Variants in LARGE1 observed in about 807,000 individuals in gnomAD.
LARGE1 encodes the protein LARGE xylosyl- and glucuronyltransferase 1.
LARGE1 carries 43 observed loss-of-function variants against 87.6 expected under a neutral mutation model. The observed-to-expected ratio is 0.49, with a 90% confidence interval of 0.38 to 0.63. The LOEUF is 0.63. Among genes scored for constraint, LARGE1 ranks in the 30% least tolerant of loss-of-function variants. The pLI, the probability that LARGE1 is intolerant of heterozygous loss-of-function variation, is 0.00. For synonymous variants in LARGE1, 434 were observed against 394.6 expected (o/e 1.10, Z -1.18); for missense variants, 802 against 1,000.2 (o/e 0.80, Z 2.67).
chr22:33,771,387 A>C (rs2085064397), intron 1 of LARGE1, among the ~76,000 whole-genome samples: 1 of 152,068 alleles, frequency 6.6e-6, no homozygotes, highest in Admixed American at 6.5e-5. Context: ...TCACACTCTC[A>C]GGCTGGCAGA....
chr22:33,786,951 G>A (rs1008409076), intron 1 of LARGE1, among the ~76,000 whole-genome samples: 9 of 151,182 alleles, frequency 6.0e-5, no homozygotes, highest in African/African-American at 1.5e-4. Context: ...AACCCGGGAA[G>A]CAGAGGTTGA....
At chr22:33,335,830 C>A (rs1043606441) in intron 10 of LARGE1, among the ~76,000 whole-genome samples, 20 of 152,314 alleles carry the variant, frequency 1.3e-4, no homozygotes, top group African/African-American at 4.6e-4. Context: ...ACGTCACCTC[C>A]TCATAGAAAT....
At chr22:33,688,283 T>C (rs1234401526) in intron 2 of LARGE1, among the ~76,000 whole-genome samples, 5 of 152,162 alleles carry the variant, frequency 3.3e-5, no homozygotes, top group African/African-American at 9.7e-5. Context: ...TAGGAAGCAG[T>C]AGGTTAAGTG....
intron 11 of LARGE1, among the ~76,000 whole-genome samples, chr22:33,249,733 C>T (rs1052670732): frequency 6.6e-6 from 1 of 152,114 alleles, no homozygotes; most frequent in South Asian, 2.1e-4. Flanking sequence ...ATAAGTCTAT[C>T]TCTAGATGTA....
chr22:33,787,490 G>A (rs1258590559), intron 1 of LARGE1, among the ~76,000 whole-genome samples: 1 of 152,144 alleles, frequency 6.6e-6, no homozygotes, highest in Non-Finnish European at 1.5e-5. Flanking sequence ...GCAAATAAAG[G>A]TGATTTTATG....
intron 5 of LARGE1, among the ~76,000 whole-genome samples, chr22:33,590,620 A>G (rs1481547677): frequency 1.3e-5 from 2 of 152,332 alleles, no homozygotes; most frequent in East Asian, 3.9e-4. Flanking sequence ...AGAATGTCAC[A>G]TCAATGGAAC....
At chr22:33,757,791 G>A (rs1445023805) in intron 2 of LARGE1, among the ~76,000 whole-genome samples, 1 of 152,208 alleles carries the variant, frequency 6.6e-6, no homozygotes, top group Non-Finnish European at 1.5e-5. Context: ...TAAATGGATT[G>A]TAACGTTGTT....
At chr22:33,087,899 G>T in the LARGE1 span, among the ~76,000 whole-genome samples, 10 of 152,110 alleles carry the variant, frequency 6.6e-5, no homozygotes, top group Non-Finnish European at 1.3e-4. Flanking sequence ...GTGCCACTGT[G>T]CTCCAGCCTG....
rs571645737 is a variant in LARGE1, at chr22:33,261,517, A to G, written c.1730+42712T>C. On this transcript the variant is annotated intron_variant, in intron 11 of 11. Coordinates refer to the LARGE1 transcript ENST00000608642. ...CAAACGTGGCTCTCAGAAGAATAGC[A>G]TGTGTGAAAATCTTGTTTCTTTTAT... Among the ~76,000 whole-genome samples the G allele has an allele frequency of 5.2e-3, 785 of 152,224 alleles. 8 individuals carry two copies. The highest frequency in any genetic ancestry group is 8.5e-3 in the Non-Finnish European group (575 of 68,010).
downstream of LARGE1, among the ~76,000 whole-genome samples, chr22:33,269,621 C>T (rs1928136594): frequency 6.6e-6 from 1 of 152,170 alleles, no homozygotes; most frequent in Admixed American, 6.5e-5. Flanking sequence ...GTCCTGGCCT[C>T]ATTGATCAGA....
intron 12 of LARGE1, among the ~76,000 whole-genome samples, chr22:33,301,795 C>G (rs1602311848): frequency 6.6e-6 from 1 of 152,132 alleles, no homozygotes; most frequent in South Asian, 2.1e-4. Context: ...TAAGCAAGTG[C>G]TAAGTAGAAG....
At chr22:33,196,688 A>G (rs1924100291) in intron 11 of LARGE1, among the ~76,000 whole-genome samples, 1 of 152,014 alleles carries the variant, frequency 6.6e-6, no homozygotes, top group African/African-American at 2.4e-5. Context: ...TAAGAATATT[A>G]TAAATGAAAG....
At chr22:33,555,484 A>G (rs1351526373) in intron 6 of LARGE1, among the ~76,000 whole-genome samples, 1 of 152,180 alleles carries the variant, frequency 6.6e-6, no homozygotes, top group Non-Finnish European at 1.5e-5. Flanking sequence ...CAGTCAGGGA[A>G]AGCCTTGCTG....
intron 6 of LARGE1, among the ~76,000 whole-genome samples, chr22:33,482,355 C>T (rs984388789): frequency 6.6e-6 from 1 of 152,166 alleles, no homozygotes; most frequent in African/African-American, 2.4e-5. Flanking sequence ...ATTTCTCACA[C>T]ATTTATCGGG....
At chr22:33,072,440 T>C in the LARGE1 span, among the ~76,000 whole-genome samples, 13 of 152,252 alleles carry the variant, frequency 8.5e-5, no homozygotes, top group South Asian at 1.7e-3. Context: ...GCAAGGGGAA[T>C]CATTTTCTTA....
At chr22:33,249,579 T>C (rs865898820) in intron 11 of LARGE1, among the ~76,000 whole-genome samples, 9 of 152,356 alleles carry the variant, frequency 5.9e-5, no homozygotes, top group Middle Eastern at 3.4e-3. Context: ...CTTCCACAGA[T>C]CGTGCCTTTG....
At chr22:33,552,553 C>T (rs1469893640) in intron 6 of LARGE1, among the ~76,000 whole-genome samples, 1 of 152,196 alleles carries the variant, frequency 6.6e-6, no homozygotes. Flanking sequence ...CTAAGACCCC[C>T]AAATCCTCTC....
chr22:33,103,825 A>T, the LARGE1 span, among the ~76,000 whole-genome samples: 1 of 152,290 alleles, frequency 6.6e-6, no homozygotes, highest in African/African-American at 2.4e-5. Flanking sequence ...TAATTGAATC[A>T]TGGGGGTGGT....
intron 7 of LARGE1, among the ~76,000 whole-genome samples, chr22:33,419,483 T>C (rs950438663): frequency 7.9e-5 from 12 of 152,074 alleles, no homozygotes; most frequent in African/African-American, 2.7e-4. Flanking sequence ...GTCCTCTCTA[T>C]CTGGGATGCT....
Sources: gnomAD v4.1 joint callset for allele counts (sites outside exome capture counted in the v4.1 genomes callset) on GRCh38, gnomAD v4.1.1 for gene constraint, MANE v1.5 for transcripts, NCBI Gene and HGNC (gene_info 2026-07-23, HGNC 2026-07-21) for gene names.